LAMP2: variants seen among roughly 807,000 people sequenced by gnomAD.
The protein encoded by LAMP2 is lysosome-associated membrane glycoprotein 2.
In LAMP2, 4 loss-of-function variants were observed where a neutral mutation model predicts 25.6. The ratio of observed to expected loss-of-function variants is 0.16; its 90% CI spans 0.08 to 0.36. The LOEUF (loss-of-function observed/expected upper bound fraction) is 0.36, where lower values mean the gene tolerates loss of function less well. LAMP2 is among the 10% of genes least tolerant of loss of function. The pLI, the probability that LAMP2 is intolerant of heterozygous loss-of-function variation, is 1.00. For synonymous variants in LAMP2, 108 were observed against 112.7 expected, an observed-to-expected ratio of 0.96 and a Z score of 0.27; for missense variants, 272 against 301.4, an observed-to-expected ratio of 0.90 and a Z score of 0.72.
In LAMP2 at chrX:120,427,636, A is replaced by G. The variant is rs185627568; in HGVS notation, c.*3687T>C. On this transcript the variant is annotated 3_prime_UTR_variant, in exon 9 of 9. Coordinates refer to ENST00000200639, the MANE Select transcript of LAMP2 (RefSeq NM_002294.3). ...GGGAGAGTGCAGGAGGCACACAAAC[A>G]AAGTATATAGAGTTTTTGTTTTCAG... is the stretch of plus-strand genomic sequence containing the variant. 6.5e-4 allele frequency among the ~76,000 whole-genome samples: 73 copies of G among 112,084 alleles called. No individual in the cohort carries two copies. The highest frequency in any genetic ancestry group is 1.1e-3 in the Non-Finnish European group (57 of 53,175).
intron 6 of LAMP2, among the ~76,000 whole-genome samples, chrX:120,443,384 T>C (rs1411509328): frequency 9.0e-6 from 1 of 111,661 alleles, no homozygotes; most frequent in Non-Finnish European, 1.9e-5. Flanking sequence ...ATAAGCATAA[T>C]CTCAAATTTT....
intron 5 of LAMP2, 50 bp from the exon 6 acceptor site, chrX:120,446,477 C>T (rs751863729): frequency 8.6e-7 from 1 of 1,168,123 alleles, no homozygotes; most frequent in Non-Finnish European, 1.2e-6. Context: ...ATAAAAGTGG[C>T]CAGCAAAGCC....
chrX:120,436,821 T>C, intron 8 of LAMP2: 1 of 733,861 alleles, frequency 1.4e-6, no homozygotes, highest in Non-Finnish European at 1.6e-6. Context: ...TTCACTGAAG[T>C]CAGGTTTTCT....
Position 120,431,227 on chromosome X carries a change from A to C in LAMP2, c.*96T>G. 8.4e-7 allele frequency: 1 copy of C among 1,194,374 alleles called. No individual in the cohort carries two copies. Among genetic ancestry groups the C allele is most frequent in the South Asian group, 1.8e-5 (1 of 55,690 alleles). ...TTGATAAAAGAATTAAAGTTTCAAC[A>C]TATCAATTTTAAGAAGCAAAGTGTT... is the stretch of plus-strand genomic sequence containing the variant. On this transcript the variant is annotated 3_prime_UTR_variant, in exon 9 of 9. Transcript: ENST00000200639.
chrX:120,467,748 T>C (rs1446628263), intron 1 of LAMP2, among the ~76,000 whole-genome samples: 1 of 111,714 alleles, frequency 9.0e-6, no homozygotes, highest in Non-Finnish European at 1.9e-5. Flanking sequence ...CACCCAGCCA[T>C]TTATTTATTG....
At chrX:120,447,028 C>T (rs2058599528) in intron 5 of LAMP2, among the ~76,000 whole-genome samples, 2 of 112,407 alleles carry the variant, frequency 1.8e-5, no homozygotes, top group South Asian at 7.3e-4. Flanking sequence ...GCCAACACAA[C>T]ACCTGAAAGT....
chrX:120,442,760 T>C (rs1198177691), intron 6 of LAMP2, 98 bp from the exon 7 acceptor site: 1 of 636,160 alleles, frequency 1.6e-6, no homozygotes, highest in Non-Finnish European at 2.6e-6. Flanking sequence ...TCTAACACTA[T>C]TACACAGAAG....
At chrX:120,467,504 G>A (rs1242021596) in intron 1 of LAMP2, among the ~76,000 whole-genome samples, 1 of 111,961 alleles carries the variant, frequency 8.9e-6, no homozygotes, top group Non-Finnish European at 1.9e-5. Context: ...ATTACAAAAT[G>A]TATACCTCTC....
intron 1 of LAMP2, among the ~76,000 whole-genome samples, chrX:120,466,988 A>G (rs1602546180): frequency 9.1e-6 from 1 of 110,396 alleles, no homozygotes; most frequent in African/African-American, 3.3e-5. Context: ...GATTACAGGC[A>G]TGTGCCACGA....
At chrX:120,467,333 T>C (rs142003242) in intron 1 of LAMP2, among the ~76,000 whole-genome samples, 2,981 of 111,497 alleles carry the variant, frequency 0.027, 42 homozygotes, top group Middle Eastern at 0.051. Flanking sequence ...GGCTGCCCTG[T>C]GCTTAGTTAG....
At chrX:120,462,437 G>A (rs1482142521) in intron 1 of LAMP2, among the ~76,000 whole-genome samples, 4 of 105,018 alleles carry the variant, frequency 3.8e-5, no homozygotes, top group Admixed American at 1.0e-4. Flanking sequence ...TGGGAGGATC[G>A]CTTGAGCCCA....
At position 120,429,208 on chromosome X, in the gene LAMP2, T is replaced by C; in HGVS notation, c.*2115A>G. On this transcript the variant is annotated 3_prime_UTR_variant, in exon 9 of 9. Coordinates refer to ENST00000200639, the MANE Select transcript of LAMP2 (RefSeq NM_002294.3). ...CACACAATTATTTTTAGCTGAGCGG[T>C]GGCCTGGAAGAATAACAGCAGTATC... is the stretch of plus-strand genomic sequence containing the variant. 1 of 752,379 alleles carries C rather than the reference T, an allele frequency of 1.3e-6. No homozygotes were observed. Among genetic ancestry groups the C allele is most frequent in the Non-Finnish European group, 1.6e-6 (1 of 638,962 alleles). 62.0% of individuals were successfully genotyped at this position (752,379 alleles called of 1,213,427 possible).
Position 120,428,354 on chromosome X carries a change from A to G in LAMP2, c.*2969T>C. The G allele has an allele frequency of 1.1e-6, 1 of 902,056 alleles. No homozygotes were observed. Among genetic ancestry groups the G allele is most frequent in the Non-Finnish European group, 1.4e-6 (1 of 698,427 alleles). The allele number at this position is 902,056 out of a possible 1,213,427, so 74.3% of individuals were successfully genotyped here. ...TCTTAAATAAGTGTACTCATGCCCA[A>G]GTTAGCTAGGAACTCACTGAAGTTA... On this transcript the variant is annotated 3_prime_UTR_variant, in exon 9 of 9. Transcript: ENST00000200639.
At chrX:120,465,739 C>T (rs1452881144) in intron 1 of LAMP2, among the ~76,000 whole-genome samples, 1 of 112,052 alleles carries the variant, frequency 8.9e-6, no homozygotes, top group Non-Finnish European at 1.9e-5. Flanking sequence ...ATTGGCACTC[C>T]GTACAGTACC....
intron 3 of LAMP2, among the ~76,000 whole-genome samples, chrX:120,454,592 C>T (rs2058636495): frequency 9.2e-6 from 1 of 109,108 alleles, no homozygotes; most frequent in Non-Finnish European, 1.9e-5. Flanking sequence ...CCCCCCAACC[C>T]CCGATCTTGA....
intron 1 of LAMP2, among the ~76,000 whole-genome samples, chrX:120,467,892 A>G (rs1921608133): frequency 8.9e-6 from 1 of 112,000 alleles, no homozygotes; most frequent in Non-Finnish European, 1.9e-5. Flanking sequence ...CCGCCCAAGC[A>G]GCTGGGATTA....
chrX:120,466,876 C>A (rs1305017620), intron 1 of LAMP2, among the ~76,000 whole-genome samples: 3 of 99,766 alleles, frequency 3.0e-5, no homozygotes, highest in Non-Finnish European at 6.0e-5. Context: ...GAGTTTCGCT[C>A]ATGTTGCCCA....
chrX:120,462,036 A>C (rs1048331293), intron 1 of LAMP2, among the ~76,000 whole-genome samples: 3 of 112,038 alleles, frequency 2.7e-5, no homozygotes, highest in Non-Finnish European at 3.8e-5. Flanking sequence ...GTTTGATTTT[A>C]CAATACCCAA....
At chrX:120,438,560 CA>C in intron 8 of LAMP2, 1 of 750,840 alleles carries the variant, frequency 1.3e-6, no homozygotes, top group Non-Finnish European at 1.6e-6. Context: ...CAAATGTATT[CA>C]AAAGGCATTA....
Sources: allele counts gnomAD v4.1 joint callset (sites outside exome capture counted in the v4.1 genomes callset), GRCh38; gene constraint gnomAD v4.1.1; transcripts MANE v1.5; gene names NCBI Gene and HGNC (gene_info 2026-07-23, HGNC 2026-07-21).